TMEM67: variants seen among roughly 807,000 people sequenced by gnomAD.
TMEM67 encodes transmembrane protein 67, also known as meckelin.
A neutral mutation model predicts 136.6 loss-of-function variants in TMEM67; 124 were observed. The ratio of observed to expected loss-of-function variants is 0.91; its 90% CI spans 0.78 to 1.05. The LOEUF (loss-of-function observed/expected upper bound fraction) is 1.05. TMEM67 is among the 50% of genes least tolerant of loss of function. The probability of loss-of-function intolerance (pLI) is 0.00; values close to 1 mark genes in which losing one functional copy is unlikely to be tolerated. For missense variants in TMEM67, 1,107 were observed against 1,178.4 expected (o/e 0.94, Z 0.89); for synonymous variants, 364 against 390.5 (o/e 0.93, Z 0.80).
chr8:93,822,551 CTG>C (rs1481287913), downstream of TMEM67, among the ~76,000 whole-genome samples: 9 of 152,146 alleles, frequency 5.9e-5, no homozygotes, highest in African/African-American at 2.2e-4. Flanking sequence ...GCCCTTCTGA[CTG>C]TAGCTCAAAG....
intron 23 of TMEM67, among the ~76,000 whole-genome samples, chr8:93,806,638 C>T (rs143018330): frequency 1.3e-5 from 2 of 152,072 alleles, no homozygotes; most frequent in Non-Finnish European, 2.9e-5. Context: ...AGGGGCCATA[C>T]CTGTGACTTG....
chr8:93,768,480 T>C (rs2130602258), intron 6 of TMEM67, among the ~76,000 whole-genome samples: 1 of 151,668 alleles, frequency 6.6e-6, no homozygotes, highest in African/African-American at 2.4e-5. Context: ...GGTGTGGTGG[T>C]GCCCTCTGTA....
At chr8:93,791,447 A>G (rs1004498922) in intron 15 of TMEM67, 128 bp downstream of exon 15, 2 of 657,458 alleles carry the variant, frequency 3.0e-6, no homozygotes, top group East Asian at 2.8e-5. Context: ...ATGTTAGCAT[A>G]CAAAACCTTA....
At chr8:93,762,819 C>T (rs1016734121) in intron 3 of TMEM67, 3 of 279,744 alleles carry the variant, frequency 1.1e-5, no homozygotes, top group African/African-American at 2.3e-5. Flanking sequence ...CCACAGGAAA[C>T]ATAAGTGGTA....
chr8:93,779,890 A>G (rs1469985612), intron 7 of TMEM67, among the ~76,000 whole-genome samples: 1 of 152,148 alleles, frequency 6.6e-6, no homozygotes, highest in Non-Finnish European at 1.5e-5. Flanking sequence ...TGCTGGGAGA[A>G]CCACTGCTCT....
At chr8:93,780,272 G>A (rs1232087801) in intron 7 of TMEM67, among the ~76,000 whole-genome samples, 1 of 152,024 alleles carries the variant, frequency 6.6e-6, no homozygotes, top group East Asian at 1.9e-4. Flanking sequence ...GGTACAGTCT[G>A]TCACGGCTTC....
In TMEM67 at chr8:93,755,380, G is replaced by A. The variant is rs182449103; in HGVS notation, c.223+243G>A. 3.7e-4 allele frequency among the ~76,000 whole-genome samples: 56 copies of A among 152,332 alleles called. No homozygotes were observed. The highest frequency in any genetic ancestry group is 5.1e-4 in the Non-Finnish European group (35 of 68,032). On this transcript the variant is annotated intron_variant, in intron 1 of 27. Coordinates refer to ENST00000453321, the MANE Select transcript of TMEM67 (RefSeq NM_153704.6). The stretch of plus-strand genomic sequence containing the variant: ...TAAAATTTCCAGCAGCAGTTAAGTA[G>A]TTTAATAGTTTAGTTATACTTGCAC...
chr8:93,782,372 T>C, intron 10 of TMEM67, 23 bp from the exon 11 acceptor site: 4 of 1,586,134 alleles, frequency 2.5e-6, no homozygotes, highest in Non-Finnish European at 3.5e-6. Context: ...GTGAGATTTA[T>C]CTGTTGTATT....
At chr8:93,776,437 A>C (rs1006971620) in intron 7 of TMEM67, among the ~76,000 whole-genome samples, 54 of 152,324 alleles carry the variant, frequency 3.5e-4, no homozygotes, top group African/African-American at 1.0e-3. Context: ...GCCAGTTTTC[A>C]AAGGGAATGC....
rs192176267 is a variant in TMEM67 at position 93,770,068 on chromosome 8, A to G, written c.652-2521A>G. Reference sequence around the variant, plus strand: ...CTTTCCCTCAAATACATTAATAGTGAAATAGCTTCATGGTTTTTGGTTTTC... The same window carrying G: ...CTTTCCCTCAAATACATTAATAGTGGAATAGCTTCATGGTTTTTGGTTTTC... On this transcript the variant is annotated intron_variant, in intron 6 of 27. Transcript: ENST00000453321. 9.5e-4 allele frequency among the ~76,000 whole-genome samples: 144 copies of G among 152,332 alleles called. 2 individuals are homozygous for G. The highest frequency in any genetic ancestry group is 9.2e-3 in the Admixed American group (141 of 15,300).
chr8:93,811,531 CA>C (rs1451560746), intron 26 of TMEM67, among the ~76,000 whole-genome samples: 1 of 151,572 alleles, frequency 6.6e-6, no homozygotes, highest in East Asian at 1.9e-4. Flanking sequence ...CTGTTGTTTC[CA>C]AAAAAAATTT....
chr8:93,765,497 A>G, intron 5 of TMEM67, 22 bp downstream of exon 5: 1 of 1,607,188 alleles, frequency 6.2e-7, no homozygotes, highest in Non-Finnish European at 8.5e-7. Flanking sequence ...CAAATTGATA[A>G]AGTATATATA....
rs1812584766 is a variant in TMEM67 at position 93,756,651 on chromosome 8, A to T, written c.312+785A>T. Reference sequence around the variant, plus strand: ...TCTTTATAATAGATTATAATAGATTACCATTTATTTTATATCTTTGCAAAT... The same window carrying T: ...TCTTTATAATAGATTATAATAGATTTCCATTTATTTTATATCTTTGCAAAT... On this transcript the variant is annotated intron_variant, in intron 2 of 27. Coordinates refer to ENST00000453321, the MANE Select transcript of TMEM67 (RefSeq NM_153704.6). 4 of 152,304 alleles carry T rather than the reference A, an allele frequency of 2.6e-5. No individual in the cohort carries two copies. The South Asian group carries it at 8.3e-4, about 32-fold the overall frequency. The allele number at this position is 152,304 out of a possible 1,614,324, so 9.4% of individuals were successfully genotyped here.
chr8:93,786,270 G>C lies in TMEM67; in HGVS notation c.1336G>C (p.Asp446His), dbSNP rs386834184. ...TCTAACTCGGCGCATTTTCTTAGTG[G>C]ATGCAGTAAGTGGACGAGAAAATGA... ...WLLTRRIFLV[D>H]AVSGRENDLG... Residue 446 changes from aspartate (D) to histidine (H), a missense_variant, in exon 13 of 28, where the codon GAT becomes CAT. By Grantham distance (81) the Asp-to-His change is moderately conservative. Around this residue, in one of 3 missense-constraint regions of TMEM67, gnomAD observed 925 missense variants for 1,002.4 expected, o/e 0.92. Coordinates refer to ENST00000453321, the MANE Select transcript of TMEM67 (RefSeq NM_153704.6). The C allele has an allele frequency of 2.5e-6, 4 of 1,613,984 alleles. No homozygotes were observed. The highest frequency in any genetic ancestry group is 3.4e-6 in the Non-Finnish European group (4 of 1,179,892).
chr8:93,804,345 C>T (rs1157697659), intron 22 of TMEM67, among the ~76,000 whole-genome samples: 4 of 111,242 alleles, frequency 3.6e-5, no homozygotes, highest in Admixed American at 2.6e-4. Context: ...GAAAAGGTCT[C>T]GCACTGTAAC....
chr8:93,780,913 A>T lies in TMEM67; in HGVS notation c.909A>T (p.Leu303Phe). ...CTTGGCTGTTTTATGGAGACCAGTT[A>T]GGATTAGCACCTCAAGTGCTCAGTT... ...NLPWLFYGDQ[L>F]GLAPQVLSST... The change falls in exon 9 of 28, where the codon TTA (leucine) becomes TTT (phenylalanine). Residue 303 changes from leucine to phenylalanine, a missense_variant. Leu to Phe is a conservative substitution (Grantham distance 22). This residue lies in a region of TMEM67 where 925 missense variants were observed against 1,002.4 expected (regional missense o/e 0.92). Transcript: ENST00000453321. 1 of 1,612,540 alleles carries T rather than the reference A, an allele frequency of 6.2e-7. No individual in the cohort carries two copies. Among genetic ancestry groups the T allele is most frequent in the Non-Finnish European group, 8.5e-7 (1 of 1,179,842 alleles).
chr8:93,755,221 T>C, intron 1 of TMEM67, 84 bp downstream of exon 1: 1 of 1,289,274 alleles, frequency 7.8e-7, no homozygotes, highest in Non-Finnish European at 1.1e-6. Flanking sequence ...AGTTTCACCA[T>C]GTTGATCAGG....
At chr8:93,766,487 A>G (rs932682555) in intron 6 of TMEM67, among the ~76,000 whole-genome samples, 1 of 152,188 alleles carries the variant, frequency 6.6e-6, no homozygotes, top group Non-Finnish European at 1.5e-5. Flanking sequence ...GATGCTGGTG[A>G]TAACCACTTC....
At chr8:93,800,828 A>G (rs2130748101) in intron 21 of TMEM67, among the ~76,000 whole-genome samples, 1 of 152,306 alleles carries the variant, frequency 6.6e-6, no homozygotes, top group East Asian at 1.9e-4. Context: ...GCTACCCTAA[A>G]TATGTTCTTT....
Sources: allele counts gnomAD v4.1 joint callset (sites outside exome capture counted in the v4.1 genomes callset), GRCh38; gene constraint gnomAD v4.1.1; regional missense constraint gnomAD v4.1.1; transcripts MANE v1.5; gene names NCBI Gene and HGNC (gene_info 2026-07-23, HGNC 2026-07-21).